The following ANKS1B variants were observed in gnomAD, a reference collection of about 807,000 sequenced individuals.
ANKS1B encodes the protein ankyrin repeat and sterile alpha motif domain-containing protein 1B.
Under a neutral mutation model 148.3 loss-of-function variants are expected in ANKS1B, and 36 were observed. That is an observed-to-expected ratio of 0.24 (90% CI 0.19 to 0.32). ANKS1B has a LOEUF of 0.32. ANKS1B is among the 10% of genes least tolerant of loss of function. The pLI is 1.00. For missense variants in ANKS1B, 1,157 were observed against 1,542.6 expected (o/e 0.75, Z 4.19); for synonymous variants, 542 against 560.8 (o/e 0.97, Z 0.47).
chr12:98,828,793 G>A (rs2099271279), intron 19 of ANKS1B, among the ~76,000 whole-genome samples: 1 of 152,208 alleles, frequency 6.6e-6, no homozygotes, highest in Non-Finnish European at 1.5e-5. Context: ...ACATCACACA[G>A]GGTTAATCCT....
intron 9 of ANKS1B, among the ~76,000 whole-genome samples, chr12:99,581,763 C>G (rs1010017350): frequency 6.6e-6 from 1 of 151,742 alleles, no homozygotes; most frequent in East Asian, 1.9e-4. Flanking sequence ...CGGTGGCGGG[C>G]GCCTGTAGTC....
intron 17 of ANKS1B, among the ~76,000 whole-genome samples, chr12:98,925,499 A>G (rs374545509): frequency 2.6e-5 from 4 of 152,218 alleles, no homozygotes; most frequent in African/African-American, 9.6e-5. Flanking sequence ...AAAATTTGTC[A>G]AAATCAACTT....
Position 99,825,328 on chromosome 12 carries a change from C to T in ANKS1B, c.196G>A (p.Ala66Thr), listed in dbSNP as rs748145482. ...ACTTACTTATGTCCATTTAAGGCTG[C>T]GTGGTGTAAAGCAGTGTAACCCGAA... ...DSSGYTALHHAALNGHKDIVL... is the reference protein window; with the variant it reads ...DSSGYTALHHTALNGHKDIVL... The change falls in exon 2 of 27, where the codon GCA becomes ACA. Residue 66 changes from alanine (A) to threonine (T), a missense_variant. Physicochemically the swap from Ala to Thr is moderately conservative, Grantham distance 58. Transcript: ENST00000683438. 1.9e-6 allele frequency: 3 copies of T among 1,612,552 alleles called. No homozygotes were observed. Among genetic ancestry groups the T allele is most frequent in the Non-Finnish European group, 2.5e-6 (3 of 1,179,236 alleles).
intron 1 of ANKS1B, among the ~76,000 whole-genome samples, chr12:99,946,868 CA>C (rs1399272488): frequency 2.6e-5 from 4 of 152,238 alleles, no homozygotes; most frequent in South Asian, 2.1e-4. Context: ...CCACTGCAAA[CA>C]CATATTGCAA....
At chr12:98,827,328 A>G (rs768345551) in intron 19 of ANKS1B, among the ~76,000 whole-genome samples, 86 of 152,222 alleles carry the variant, frequency 5.6e-4, no homozygotes, top group Non-Finnish European at 1.1e-3. Flanking sequence ...CTGTGTGTCT[A>G]GCAGTCACTC....
At chr12:99,237,246 C>A (rs2088171481) in intron 14 of ANKS1B, among the ~76,000 whole-genome samples, 1 of 152,084 alleles carries the variant, frequency 6.6e-6, no homozygotes, top group Admixed American at 6.6e-5. Flanking sequence ...AATTCACATA[C>A]TTTTCAACTG....
At chr12:99,362,528 A>G (rs1451399520) in intron 12 of ANKS1B, among the ~76,000 whole-genome samples, 2 of 152,042 alleles carry the variant, frequency 1.3e-5, no homozygotes, top group African/African-American at 4.8e-5. Flanking sequence ...AAAGTCCTTC[A>G]GGTCATAAGC....
chr12:98,916,804 AGT>A (rs1480369551), intron 17 of ANKS1B, among the ~76,000 whole-genome samples: 2 of 152,140 alleles, frequency 1.3e-5, no homozygotes, highest in African/African-American at 4.8e-5. Flanking sequence ...CTTATTTCCT[AGT>A]GTTGTTACAA....
chr12:99,245,137 G>A (rs1346739636), intron 13 of ANKS1B, among the ~76,000 whole-genome samples: 3 of 152,156 alleles, frequency 2.0e-5, no homozygotes, highest in African/African-American at 7.2e-5. Context: ...TTACAGGCAT[G>A]AGCCACCATT....
intron 8 of ANKS1B, among the ~76,000 whole-genome samples, chr12:99,736,392 T>C (rs2059619163): frequency 1.3e-5 from 2 of 151,810 alleles, no homozygotes; most frequent in South Asian, 2.1e-4. Context: ...ACTGATAAAT[T>C]CAGTAAAGTT....
chr12:99,199,532 C>T (rs371491638), intron 14 of ANKS1B, among the ~76,000 whole-genome samples: 1 of 152,020 alleles, frequency 6.6e-6, no homozygotes, highest in African/African-American at 2.4e-5. Context: ...TGCCAATTCT[C>T]GGTAATAAGT....
At chr12:99,155,147 G>GAACT in intron 14 of ANKS1B, 1 of 1,474,032 alleles carries the variant, frequency 6.8e-7, no homozygotes, top group Non-Finnish European at 8.9e-7. Flanking sequence ...TGCGAAGCTT[G>GAACT]AACTATAGCT....
chr12:99,341,499 C>T lies in ANKS1B; in HGVS notation c.1756+58132G>A, dbSNP rs535341962. On this transcript the variant is annotated intron_variant, in intron 12 of 26. Transcript: ENST00000683438. ...AAACTGTCCCTAAAGAACCAGACAT[C>T]TCTATCACCATGCTTGCCACATGTG... Among the ~76,000 whole-genome samples the T allele has an allele frequency of 2.6e-5, 4 of 152,272 alleles. No individual in the cohort carries two copies. The South Asian group carries it at 8.3e-4, about 32-fold the overall frequency.
intron 19 of ANKS1B, among the ~76,000 whole-genome samples, chr12:98,828,329 A>G (rs1353770660): frequency 6.6e-6 from 1 of 152,212 alleles, no homozygotes; most frequent in Non-Finnish European, 1.5e-5. Context: ...TGAGAAAAAT[A>G]TTTAACAACC....
At chr12:99,834,245 T>C (rs999489050) in intron 1 of ANKS1B, among the ~76,000 whole-genome samples, 9 of 152,212 alleles carry the variant, frequency 5.9e-5, no homozygotes, top group African/African-American at 2.2e-4. Context: ...ATGCAAGAGT[T>C]TCTAGACACA....
intron 17 of ANKS1B, among the ~76,000 whole-genome samples, chr12:99,019,867 C>A (rs769866097): frequency 3.3e-5 from 5 of 152,120 alleles, no homozygotes; most frequent in Non-Finnish European, 7.4e-5. Context: ...AAGTGTTGAA[C>A]TGTAGAAGGC....
intron 8 of ANKS1B, among the ~76,000 whole-genome samples, chr12:99,679,306 A>T (rs1392021534): frequency 2.6e-5 from 4 of 152,024 alleles, no homozygotes; most frequent in Non-Finnish European, 5.9e-5. Context: ...TGAACTCTAA[A>T]GTTTTGTTGT....
chr12:99,327,321 CATATT>C (rs1328251591), intron 12 of ANKS1B, among the ~76,000 whole-genome samples: 1 of 94,140 alleles, frequency 1.1e-5, no homozygotes, highest in African/African-American at 4.4e-5. Context: ...ATTATAATTA[CATATT>C]ATATATAATT....
At chr12:99,497,692 A>G (rs773497256) in intron 10 of ANKS1B, among the ~76,000 whole-genome samples, 3 of 151,748 alleles carry the variant, frequency 2.0e-5, no homozygotes, top group Non-Finnish European at 4.4e-5. Flanking sequence ...TCTATATCCA[A>G]ATTCCCCAAA....
Sources: allele counts gnomAD v4.1 joint callset (sites outside exome capture counted in the v4.1 genomes callset), GRCh38; gene constraint gnomAD v4.1.1; transcripts MANE v1.5; gene names NCBI Gene and HGNC (gene_info 2026-07-23, HGNC 2026-07-21).